NRXN3: variants seen among roughly 807,000 people sequenced by gnomAD.
NRXN3 encodes the protein neurexin 3.
Under a neutral mutation model 137.6 loss-of-function variants are expected in NRXN3, and 32 were observed. The ratio of observed to expected loss-of-function variants is 0.23; its 90% CI spans 0.18 to 0.31. The LOEUF (loss-of-function observed/expected upper bound fraction) is 0.31, where lower values mean the gene tolerates loss of function less well. NRXN3 is among the 10% of genes least tolerant of loss of function. The pLI is 1.00. For synonymous variants in NRXN3, 798 were observed against 784.5 expected, an observed-to-expected ratio of 1.02 and a Z score of -0.29; for missense variants, 1,574 against 2,062.5, an observed-to-expected ratio of 0.76 and a Z score of 4.59.
In NRXN3 at chr14:79,470,928, G is replaced by C. The variant is rs569130366; in HGVS notation, c.3444+3526G>C. On this transcript the variant is annotated intron_variant, in intron 16 of 20. Transcript: ENST00000335750. Reference sequence around the variant, plus strand: ...TGTGTGTGTGTGTGTGTGAGAGAGAGAGAGAGAGAGAAAGAGAGAGAGAGT... The same window carrying C: ...TGTGTGTGTGTGTGTGTGAGAGAGACAGAGAGAGAGAAAGAGAGAGAGAGT... Among the ~76,000 whole-genome samples, 298 of 106,200 alleles carry C rather than the reference G, an allele frequency of 2.8e-3. 1 individual carries two copies. The highest frequency in any genetic ancestry group is 0.01 in the African/African-American group (276 of 26,586). The allele number at this position is 106,200 out of a possible 152,430, so 69.7% of individuals were successfully genotyped here. A position where few individuals can be genotyped will look rare whatever the true frequency, so the allele number is the denominator to read the frequency against.
At chr14:79,300,157 AT>A (rs1226505428) in intron 15 of NRXN3, among the ~76,000 whole-genome samples, 1 of 152,006 alleles carries the variant, frequency 6.6e-6, no homozygotes, top group Admixed American at 6.6e-5. Context: ...GATTTTTAGC[AT>A]TTCATCCTCA....
At chr14:78,380,601 A>G (rs1264251298) in intron 4 of NRXN3, among the ~76,000 whole-genome samples, 1 of 152,140 alleles carries the variant, frequency 6.6e-6, no homozygotes. Context: ...GGAATTAAGA[A>G]AAGATTCTTC....
intron 20 of NRXN3, among the ~76,000 whole-genome samples, chr14:79,831,572 T>C (rs1202983333): frequency 2.0e-5 from 3 of 152,034 alleles, no homozygotes; most frequent in Non-Finnish European, 4.4e-5. Flanking sequence ...CAAACGAGGG[T>C]TTTCTAGCTT....
At chr14:78,555,384 A>G (rs1191787928) in intron 4 of NRXN3, among the ~76,000 whole-genome samples, 2 of 152,216 alleles carry the variant, frequency 1.3e-5, no homozygotes, top group East Asian at 3.9e-4. Flanking sequence ...ACAGAGGAAT[A>G]GAATTGGCTC....
chr14:79,046,794 T>C (rs983695630), intron 15 of NRXN3, among the ~76,000 whole-genome samples: 1 of 152,226 alleles, frequency 6.6e-6, no homozygotes, highest in African/African-American at 2.4e-5. Flanking sequence ...TGCTATCTGA[T>C]GCAATAGTCA....
At chr14:78,319,996 C>A (rs8021890) in intron 4 of NRXN3, among the ~76,000 whole-genome samples, 72,204 of 152,076 alleles carry the variant, frequency 0.47, 18,404 homozygotes, top group East Asian at 0.68. Context: ...AACAGAAGTG[C>A]ATTAGGAGGC....
chr14:78,741,324 G>A (rs563242449), intron 8 of NRXN3, among the ~76,000 whole-genome samples: 14 of 152,226 alleles, frequency 9.2e-5, no homozygotes, highest in African/African-American at 2.9e-4. Flanking sequence ...AGCGAAGAAC[G>A]AAGTGGACTC....
In NRXN3 at chr14:78,337,790, C is replaced by T. The variant is rs1050846870; in HGVS notation, c.757+39930C>T. On this transcript the variant is annotated intron_variant, in intron 4 of 20. Transcript: ENST00000335750. ...TGATATTGTTCTCCCAGGTGGTTGG[C>T]GACATGATTTTTAAACTTCCTTTGT... Among the ~76,000 whole-genome samples, 11 of 152,160 alleles carry T rather than the reference C, an allele frequency of 7.2e-5. No homozygotes were observed. In the South Asian group the frequency reaches 1.5e-3, roughly 20 times the overall value.
chr14:79,545,294 C>CG, intron 16 of NRXN3, among the ~76,000 whole-genome samples: 1 of 152,284 alleles, frequency 6.6e-6, no homozygotes, highest in South Asian at 2.1e-4. Flanking sequence ...TGGGGCCTCT[C>CG]GGGAACAATC....
At chr14:78,880,953 G>A (rs530556660) in intron 10 of NRXN3, among the ~76,000 whole-genome samples, 1 of 152,194 alleles carries the variant, frequency 6.6e-6, no homozygotes, top group Admixed American at 6.5e-5. Context: ...GAGGGACCCA[G>A]TGAGAAGTAA....
At chr14:78,544,101 A>C (rs1362119831) in intron 4 of NRXN3, among the ~76,000 whole-genome samples, 1 of 152,206 alleles carries the variant, frequency 6.6e-6, no homozygotes, top group Non-Finnish European at 1.5e-5. Flanking sequence ...GCAGGTTCCC[A>C]CAGGCTTCCT....
At chr14:78,642,667 A>G (rs2097647193) in intron 4 of NRXN3, among the ~76,000 whole-genome samples, 1 of 152,166 alleles carries the variant, frequency 6.6e-6, no homozygotes, top group Non-Finnish European at 1.5e-5. Flanking sequence ...ACGCCATTTG[A>G]TTTGTCACCT....
chr14:79,773,080 A>G (rs1010834812), intron 19 of NRXN3, among the ~76,000 whole-genome samples: 7 of 152,196 alleles, frequency 4.6e-5, no homozygotes, highest in Non-Finnish European at 1.0e-4. Flanking sequence ...ACAATGAGAT[A>G]CCATCTCATA....
intron 19 of NRXN3, among the ~76,000 whole-genome samples, chr14:79,710,066 T>TG (rs1201008620): frequency 4.6e-5 from 7 of 152,102 alleles, no homozygotes; most frequent in Admixed American, 4.6e-4. Flanking sequence ...GTCCTTTATT[T>TG]GGGGGTTTGT....
At chr14:78,349,086 A>T (rs1400998776) in intron 4 of NRXN3, among the ~76,000 whole-genome samples, 1 of 152,232 alleles carries the variant, frequency 6.6e-6, no homozygotes, top group Admixed American at 6.5e-5. Context: ...AGCATTTACC[A>T]TGTGGTGCCT....
At chr14:79,730,449 A>T (rs1220345247) in intron 19 of NRXN3, among the ~76,000 whole-genome samples, 1 of 152,222 alleles carries the variant, frequency 6.6e-6, no homozygotes, top group African/African-American at 2.4e-5. Context: ...TTCACACGAG[A>T]CACTTGGGAA....
intron 19 of NRXN3, among the ~76,000 whole-genome samples, chr14:79,790,652 G>A (rs1197381685): frequency 4.2e-5 from 5 of 119,604 alleles, no homozygotes; most frequent in Non-Finnish European, 6.4e-5. Flanking sequence ...ACAGAGTCTC[G>A]CTCTGTCACC....
At chr14:79,267,225 T>C (rs1383763227) in intron 15 of NRXN3, among the ~76,000 whole-genome samples, 1 of 152,210 alleles carries the variant, frequency 6.6e-6, no homozygotes, top group Non-Finnish European at 1.5e-5. Context: ...CAGTTCTCTT[T>C]CTAAAAGCAT....
Position 78,918,401 on chromosome 14 carries a change from A to G in NRXN3, c.2276-38841A>G, listed in dbSNP as rs368714744. 5.2e-4 allele frequency among the ~76,000 whole-genome samples: 79 copies of G among 152,282 alleles called. No individual in the cohort carries two copies. In the Middle Eastern group the frequency reaches 0.01, roughly 20 times the overall value. Reference sequence around the variant, plus strand: ...CATAATAAAACGAATAATGAAACAAACAGAAAAATATTTTATGTGGAAGAA... The same window carrying G: ...CATAATAAAACGAATAATGAAACAAGCAGAAAAATATTTTATGTGGAAGAA... On this transcript the variant is annotated intron_variant, in intron 10 of 20. Coordinates refer to ENST00000335750, the MANE Select transcript of NRXN3 (RefSeq NM_001330195.2).
Sources: allele counts gnomAD v4.1 joint callset (sites outside exome capture counted in the v4.1 genomes callset), GRCh38; gene constraint gnomAD v4.1.1; transcripts MANE v1.5; gene names NCBI Gene and HGNC (gene_info 2026-07-23, HGNC 2026-07-21).